Variants in ACTN4 observed in about 807,000 individuals in gnomAD.
The protein encoded by ACTN4 is alpha-actinin-4.
A neutral mutation model predicts 114.2 loss-of-function variants in ACTN4; 18 were observed. The observed-to-expected ratio is 0.16, with a 90% CI of 0.11 to 0.23. The LOEUF is 0.23. ACTN4 is among the 10% of genes least tolerant of loss of function. The pLI, the probability that ACTN4 is intolerant of heterozygous loss-of-function variation, is 1.00. For missense variants in ACTN4, 722 were observed against 1,262.9 expected (o/e 0.57, Z 6.49); for synonymous variants, 515 against 506.3 (o/e 1.02, Z -0.23).
intron 1 of ACTN4, among the ~76,000 whole-genome samples, chr19:38,685,181 T>C (rs1278165415): frequency 6.6e-6 from 1 of 152,168 alleles, no homozygotes; most frequent in African/African-American, 2.4e-5. Context: ...CCTGACCTCG[T>C]GATCCACCCA....
In ACTN4 at chr19:38,727,547, C is replaced by G. The variant is rs1048567549; in HGVS notation, c.2338-399C>G. 1.3e-5 allele frequency among the ~76,000 whole-genome samples: 2 copies of G among 152,098 alleles called. No individual in the cohort carries two copies. The highest frequency in any genetic ancestry group is 4.8e-5 in the African/African-American group (2 of 41,416). The stretch of plus-strand genomic sequence containing the variant: ...CCGGGCTGACGGACTGAGAAGTGTG[C>G]AGCCTCAGCTCTGCACCTGGCGCCC... On this transcript the variant is annotated intron_variant, in intron 18 of 20. Coordinates refer to ENST00000252699, the MANE Select transcript of ACTN4 (RefSeq NM_004924.6). This position sits in a 1 kb window ranked among gnomAD's most constrained non-coding sequence, Gnocchi z 5.4.
At chr19:38,720,403 G>T (rs890029374) in intron 11 of ACTN4, among the ~76,000 whole-genome samples, 3 of 152,210 alleles carry the variant, frequency 2.0e-5, no homozygotes, top group Admixed American at 2.0e-4. Flanking sequence ...GCTGTTTCTG[G>T]TTCCTGCCCC....
At chr19:38,712,313 G>C (rs755183838) in intron 8 of ACTN4, among the ~76,000 whole-genome samples, 35 of 152,278 alleles carry the variant, frequency 2.3e-4, no homozygotes, top group South Asian at 4.1e-4. Flanking sequence ...ATTACCTACC[G>C]TCAGTCTGGC....
intron 1 of ACTN4, chr19:38,648,139 CAAATA>C (rs1257063355): frequency 2.2e-6 from 1 of 453,600 alleles, no homozygotes; most frequent in Non-Finnish European, 3.8e-6. Context: ...ATATGGGAGT[CAAATA>C]AAAGGAATCG....
rs769295669 is a variant in ACTN4 at position 38,724,449 on chromosome 19, A to G, written c.1894A>G (p.Lys632Glu). 2 of 1,613,482 alleles carry G rather than the reference A, an allele frequency of 1.2e-6. No homozygotes were observed. Among genetic ancestry groups the G allele is most frequent in the East Asian group, 2.2e-5 (1 of 44,886 alleles). ...CTGCCAGGTGCAGCAGCTGGTGCCA[A>G]AACGGGACCATGCCCTCCTGGAGGA... Reference protein sequence around the residue: ...KWEKVQQLVPKRDHALLEEQS... With the variant: ...KWEKVQQLVPERDHALLEEQS... Residue 632 changes from lysine (K) to glutamate (E), a missense_variant, in exon 16 of 21, where the codon AAA becomes GAA. This residue lies in a region of ACTN4 where 523 missense variants were observed against 875.9 expected (regional missense o/e 0.60). Transcript: ENST00000252699. This position sits in a 1 kb window ranked among gnomAD's most constrained non-coding sequence, Gnocchi z 7.0.
rs201534308 is a variant in ACTN4 at position 38,700,983 on chromosome 19, C to T, written c.278-19C>T. ...CTCTCTCTGTCTCGCCCCCTCTTTT[C>T]TCTTTGTGCACTTCTCAGGGGAGCG... On this transcript the variant is annotated intron_variant, in intron 2 of 20. Coordinates refer to ENST00000252699, the MANE Select transcript of ACTN4 (RefSeq NM_004924.6). 10 of 1,612,900 alleles carry T rather than the reference C, an allele frequency of 6.2e-6. No homozygotes were observed. The East Asian group carries it at 2.0e-4, about 32-fold the overall frequency.
At chr19:38,681,413 C>G (rs8103394) in intron 1 of ACTN4, among the ~76,000 whole-genome samples, 2,453 of 152,240 alleles carry the variant, frequency 0.016, 68 homozygotes, top group African/African-American at 0.055. Flanking sequence ...ATCTCCACCC[C>G]CCACTGCCCA....
In ACTN4 at chr19:38,726,987, A is replaced by G. The variant is rs200658507; in HGVS notation, c.2221A>G (p.Thr741Ala). The change falls in exon 18 of 21, where the codon ACC (threonine) becomes GCC (alanine). Residue 741 changes from threonine to alanine, a missense_variant. This residue lies in a region of ACTN4 where 523 missense variants were observed against 875.9 expected (regional missense o/e 0.60). Transcript: ENST00000252699. ...HIRVGWEQLL[T>A]TIARTINEVE... ...CCGCGTGGGCTGGGAGCAGCTGCTC[A>G]CCACCATTGCCCGCACCATCAACGA... 1 of 1,614,046 alleles carries G rather than the reference A, an allele frequency of 6.2e-7. No homozygotes were observed. The highest frequency in any genetic ancestry group is 2.2e-5 in the East Asian group (1 of 44,882).
chr19:38,693,700 C>G (rs1361446471), intron 1 of ACTN4: 1 of 152,248 alleles, frequency 6.6e-6, no homozygotes, highest in Non-Finnish European at 1.5e-5. Context: ...CATTCATTCA[C>G]CTACCGCCCC....
intron 1 of ACTN4, among the ~76,000 whole-genome samples, chr19:38,661,045 C>T (rs898971282): frequency 6.6e-6 from 1 of 152,138 alleles, no homozygotes; most frequent in Non-Finnish European, 1.5e-5. Context: ...CAAGGGGGCC[C>T]CCGAGGAGCA....
intron 1 of ACTN4, among the ~76,000 whole-genome samples, chr19:38,656,751 T>A (rs1157201860): frequency 6.6e-6 from 1 of 152,156 alleles, no homozygotes; most frequent in African/African-American, 2.4e-5. Context: ...AAAGAAGACT[T>A]TGTGGTTTGT....
intron 1 of ACTN4, among the ~76,000 whole-genome samples, chr19:38,694,886 G>A (rs1425026408): frequency 1.3e-5 from 2 of 151,932 alleles, no homozygotes; most frequent in Non-Finnish European, 2.9e-5. Flanking sequence ...TTGCGGGGGG[G>A]CGGGTTGAGA....
chr19:38,713,059 C>T (rs1968714088), intron 8 of ACTN4, among the ~76,000 whole-genome samples: 1 of 152,108 alleles, frequency 6.6e-6, no homozygotes, highest in Non-Finnish European at 1.5e-5. Flanking sequence ...TGGTGCTGCT[C>T]CTGCTGCCTC....
At position 38,647,661 on chromosome 19, in the gene ACTN4, G is replaced by A. The variant is rs1406664651; in HGVS notation, c.-85G>A. ...CGGAGGGCGGGCTGAAGCAGCTGAA[G>A]CGGCGGTAGCGGCGGCGGCTCGGGC... On this transcript the variant is annotated 5_prime_UTR_variant, in exon 1 of 21. Transcript: ENST00000252699. 12 of 1,468,322 alleles carry A rather than the reference G, an allele frequency of 8.2e-6. No homozygotes were observed. Among genetic ancestry groups the A allele is most frequent in the Non-Finnish European group, 1.1e-5 (12 of 1,107,918 alleles). The allele number at this position is 1,468,322 out of a possible 1,614,324, so 91.0% of individuals were successfully genotyped here. A position where few individuals can be genotyped will look rare whatever the true frequency, so the allele number is the denominator to read the frequency against.
At chr19:38,659,166 T>A (rs1485461875) in intron 1 of ACTN4, among the ~76,000 whole-genome samples, 4 of 148,710 alleles carry the variant, frequency 2.7e-5, no homozygotes, top group African/African-American at 9.8e-5. Context: ...GTTCAAGTGA[T>A]TCTCCTGCCT....
At chr19:38,681,874 A>G (rs1342758366) in intron 1 of ACTN4, among the ~76,000 whole-genome samples, 1 of 152,160 alleles carries the variant, frequency 6.6e-6, no homozygotes, top group Admixed American at 6.5e-5. Context: ...TCTGTTGGTC[A>G]GGCTGGAGTG....
rs768705629 is a variant in ACTN4 at position 38,717,178 on chromosome 19, C to T, written c.1005C>T (p.Phe335=). Residue 335 remains phenylalanine, a synonymous_variant, in exon 10 of 21, where the codon TTC becomes TTT. Coordinates refer to ENST00000252699, the MANE Select transcript of ACTN4 (RefSeq NM_004924.6). The surrounding 1 kb of genome is among the most constrained non-coding windows in gnomAD (Gnocchi z 4.0). ...AGATGCAGCAGAAGCTGGAGGACTTCCGCGACTACCGGCGTGTGCACAAGC... is the reference window on the plus strand; with the variant it reads ...AGATGCAGCAGAAGCTGGAGGACTTTCGCGACTACCGGCGTGTGCACAAGC... ...IQEMQQKLED[F]RDYRRVHKPP... is the part of the protein sequence containing the mutation. 6 of 1,614,162 alleles carry T rather than the reference C, an allele frequency of 3.7e-6. No homozygotes were observed. Among genetic ancestry groups the T allele is most frequent in the Non-Finnish European group, 5.1e-6 (6 of 1,180,062 alleles).
chr19:38,673,701 T>TTATATACATTA lies in ACTN4; in HGVS notation c.162+25800_162+25801insCATTATATATA, dbSNP rs1568690835. Among the ~76,000 whole-genome samples, 7 of 60,598 alleles carry TTATATACATTA rather than the reference T, an allele frequency of 1.2e-4. 1 individual carries two copies. The highest frequency in any genetic ancestry group is 1.4e-4 in the Non-Finnish European group (4 of 28,530). 39.8% of individuals were successfully genotyped at this position (60,598 alleles called of 152,430 possible). A position where few individuals can be genotyped will look rare whatever the true frequency, so the allele number is the denominator to read the frequency against. On this transcript the variant is annotated intron_variant, in intron 1 of 20. Transcript: ENST00000252699. ...ATATATTTATATATATTATATATAT[T>TTATATACATTA]TATATATTTATATATTTATATATAC...
intron 8 of ACTN4, among the ~76,000 whole-genome samples, chr19:38,714,178 C>T (rs955021009): frequency 5.3e-5 from 8 of 152,226 alleles, no homozygotes; most frequent in African/African-American, 1.7e-4. Context: ...GCCTCACCCT[C>T]CTCTGTGTGG....
Sources: gnomAD v4.1 joint callset for allele counts (sites outside exome capture counted in the v4.1 genomes callset) on GRCh38, gnomAD v4.1.1 for gene constraint, gnomAD v4.1.1 regional missense constraint, Gnocchi (gnomAD v3.1) non-coding constraint, MANE v1.5 for transcripts, NCBI Gene and HGNC (gene_info 2026-07-23, HGNC 2026-07-21) for gene names.